ANTXR1: variants seen among roughly 807,000 people sequenced by gnomAD.
ANTXR1 encodes ANTXR cell adhesion molecule 1.
In ANTXR1, 19 loss-of-function variants were observed where a neutral mutation model predicts 78.1. The ratio of observed to expected loss-of-function variants is 0.24; its 90% CI spans 0.17 to 0.36. The LOEUF is 0.36. Among genes scored for constraint, ANTXR1 ranks in the 10% least tolerant of loss-of-function variants. ANTXR1 has a pLI of 1.00. For missense variants in ANTXR1, 518 were observed against 718.6 expected (o/e 0.72, Z 3.19); for synonymous variants, 273 against 260.5 (o/e 1.05, Z -0.46).
At chr2:69,129,462 G>T (rs1423831324) in intron 12 of ANTXR1, among the ~76,000 whole-genome samples, 2 of 152,140 alleles carry the variant, frequency 1.3e-5, no homozygotes, top group African/African-American at 4.8e-5. Flanking sequence ...ATATAAAAGA[G>T]TGTATAATAG....
rs749430002 is a variant in ANTXR1, at chr2:69,193,460, CACA to C, written c.1434+46_1434+48del. 429 of 1,082,124 alleles carry C rather than the reference CACA, an allele frequency of 4.0e-4. 2 individuals are homozygous for C. In the African/African-American group the frequency reaches 8.0e-3, roughly 20 times the overall value. 67.0% of individuals were successfully genotyped at this position (1,082,124 alleles called of 1,614,324 possible). A position where few individuals can be genotyped will look rare whatever the true frequency, so the allele number is the denominator to read the frequency against. ...TAATGGTGTCTCTCTCTCTCTCTCT[CACA>C]TACACACACACACACACACACACAC... On this transcript the variant is annotated intron_variant, in intron 17 of 17. Coordinates refer to ENST00000303714, the MANE Select transcript of ANTXR1 (RefSeq NM_032208.3).
intron 17 of ANTXR1, 111 bp from the exon 18 acceptor site, chr2:69,245,114 A>G: frequency 7.7e-7 from 1 of 1,297,240 alleles, no homozygotes; most frequent in Non-Finnish European, 1.1e-6. Context: ...GAGAGTTGTC[A>G]CCAACAGGGG....
At chr2:69,220,139 T>C (rs760776100) in intron 17 of ANTXR1, among the ~76,000 whole-genome samples, 1 of 152,036 alleles carries the variant, frequency 6.6e-6, no homozygotes, top group African/African-American at 2.4e-5. Context: ...AAAGAAAAAA[T>C]AGTGAATAGA....
At chr2:69,156,121 C>T (rs1673517976) in intron 13 of ANTXR1, among the ~76,000 whole-genome samples, 1 of 152,152 alleles carries the variant, frequency 6.6e-6, no homozygotes, top group Admixed American at 6.5e-5. Context: ...ATGAGGGCTT[C>T]AGCACTCATA....
chr2:69,225,476 A>G (rs1675423229), intron 17 of ANTXR1, among the ~76,000 whole-genome samples: 1 of 152,196 alleles, frequency 6.6e-6, no homozygotes, highest in Non-Finnish European at 1.5e-5. Flanking sequence ...TGAATTTAAA[A>G]ATTTATTTTT....
chr2:69,048,803 A>T (rs565269612), intron 3 of ANTXR1, among the ~76,000 whole-genome samples: 9 of 152,158 alleles, frequency 5.9e-5, no homozygotes, highest in Middle Eastern at 3.4e-3. Context: ...TCTTTACTGG[A>T]TTTTTCCAAC....
Position 69,123,025 on chromosome 2 carries a change from C to T in ANTXR1, c.811C>T (p.Pro271Ser). ...INDSVTLNEK[P>S]FSVEDTYLLC... Reference sequence around the variant, plus strand: ...TGATTTCCTTTTTGCAGATGAGAAGCCCTTTTCTGTGGAAGATACTTATTT... The same window carrying T: ...TGATTTCCTTTTTGCAGATGAGAAGTCCTTTTCTGTGGAAGATACTTATTT... The change falls in exon 11 of 18, where the codon CCC (proline) becomes TCC (serine). Residue 271 changes from proline (P) to serine (S), a missense_variant. By Grantham distance (74) the Pro-to-Ser change is moderately conservative. Transcript: ENST00000303714. 1 of 1,614,150 alleles carries T rather than the reference C, an allele frequency of 6.2e-7. No homozygotes were observed. Among genetic ancestry groups the T allele is most frequent in the Non-Finnish European group, 8.5e-7 (1 of 1,180,020 alleles).
chr2:69,193,149 T>G (rs970223010), intron 16 of ANTXR1, among the ~76,000 whole-genome samples, 186 bp from the exon 17 acceptor site: 3 of 152,144 alleles, frequency 2.0e-5, no homozygotes, highest in Non-Finnish European at 4.4e-5. Flanking sequence ...TGTCTCTTCT[T>G]CTCCTCCATT....
chr2:69,236,353 C>T (rs1382896978), intron 17 of ANTXR1, among the ~76,000 whole-genome samples: 3 of 151,958 alleles, frequency 2.0e-5, no homozygotes, highest in Admixed American at 1.3e-4. Context: ...TATATGTATA[C>T]ACACATATAT....
intron 15 of ANTXR1, among the ~76,000 whole-genome samples, 170 bp from the exon 16 acceptor site, chr2:69,182,323 C>G (rs1674295922): frequency 6.6e-6 from 1 of 152,206 alleles, no homozygotes; most frequent in African/African-American, 2.4e-5. Context: ...CTCCTTTGGT[C>G]CTCCCCTTTT....
intron 3 of ANTXR1, among the ~76,000 whole-genome samples, chr2:69,055,764 A>T (rs953629785): frequency 6.6e-6 from 1 of 152,142 alleles, no homozygotes; most frequent in African/African-American, 2.4e-5. Flanking sequence ...CTCCAGAAAA[A>T]AAACATTATG....
chr2:69,103,021 C>A (rs763995063), intron 10 of ANTXR1, 81 bp downstream of exon 10: 9 of 1,330,112 alleles, frequency 6.8e-6, no homozygotes, highest in Non-Finnish European at 9.8e-6. Flanking sequence ...TCCAGCAAGG[C>A]CACACACATG....
At chr2:69,117,293 G>T (rs986471156) in intron 10 of ANTXR1, among the ~76,000 whole-genome samples, 2 of 152,194 alleles carry the variant, frequency 1.3e-5, no homozygotes, top group Non-Finnish European at 2.9e-5. Flanking sequence ...CAAAACTTGG[G>T]TTTGAATTCC....
chr2:69,236,620 C>T (rs1352611033), intron 17 of ANTXR1, among the ~76,000 whole-genome samples: 1 of 151,988 alleles, frequency 6.6e-6, no homozygotes, highest in Admixed American at 6.6e-5. Context: ...AAACTTTGAC[C>T]CAGAAATTCT....
chr2:69,192,693 T>C (rs1042703695), intron 16 of ANTXR1, among the ~76,000 whole-genome samples: 8 of 152,258 alleles, frequency 5.3e-5, no homozygotes, highest in Admixed American at 3.9e-4. Context: ...TCATCAGTTG[T>C]GAAAGCCTTT....
chr2:69,201,598 C>G (rs73934798), intron 17 of ANTXR1, among the ~76,000 whole-genome samples: 1 of 152,278 alleles, frequency 6.6e-6, no homozygotes, highest in South Asian at 2.1e-4. Flanking sequence ...GAGGCTGGCA[C>G]CCTGAAGTGC....
chr2:69,088,617 G>C (rs978860875), intron 8 of ANTXR1, among the ~76,000 whole-genome samples: 2 of 152,136 alleles, frequency 1.3e-5, no homozygotes, highest in Non-Finnish European at 2.9e-5. Context: ...AAGAGCCCAA[G>C]AGCAGCAAGT....
At chr2:69,086,304 G>T (rs1300881075) in intron 8 of ANTXR1, among the ~76,000 whole-genome samples, 1 of 152,166 alleles carries the variant, frequency 6.6e-6, no homozygotes, top group South Asian at 2.1e-4. Flanking sequence ...CATGACAAAG[G>T]ACATTAGATT....
At chr2:69,095,924 T>C (rs960582494) in intron 9 of ANTXR1, among the ~76,000 whole-genome samples, 1 of 152,066 alleles carries the variant, frequency 6.6e-6, no homozygotes, top group Non-Finnish European at 1.5e-5. Flanking sequence ...GAACTCTTAC[T>C]GGGGAGAGGG....
Sources: allele counts gnomAD v4.1 joint callset (sites outside exome capture counted in the v4.1 genomes callset), GRCh38; gene constraint gnomAD v4.1.1; transcripts MANE v1.5; gene names NCBI Gene and HGNC (gene_info 2026-07-23, HGNC 2026-07-21).